Variants in CYP39A1 observed in about 807,000 individuals in gnomAD.
CYP39A1 encodes the protein 24-hydroxycholesterol 7-alpha-hydroxylase.
A neutral mutation model predicts 58.1 loss-of-function variants in CYP39A1; 49 were observed. The observed-to-expected ratio is 0.84, with a 90% CI of 0.67 to 1.07. CYP39A1 has a LOEUF of 1.07. CYP39A1 is among the 50% of genes least tolerant of loss of function. The probability of loss-of-function intolerance (pLI) is 0.00; values close to 1 mark genes in which losing one functional copy is unlikely to be tolerated. For synonymous variants in CYP39A1, 209 were observed against 187.6 expected (o/e 1.11, Z -0.93); for missense variants, 531 against 539.4 (o/e 0.98, Z 0.16).
At chr6:46,588,165 G>T in intron 8 of CYP39A1, 36 bp from the exon 9 acceptor site, 1 of 1,333,980 alleles carries the variant, frequency 7.5e-7, no homozygotes, top group Non-Finnish European at 1.1e-6. Flanking sequence ...TCATTTTTTT[G>T]AAATATACTT....
chr6:46,652,784 T>C lies in CYP39A1; in HGVS notation c.-202A>G, dbSNP rs931443779. 3.9e-6 allele frequency: 2 copies of C among 512,064 alleles called. No homozygotes were observed. Among genetic ancestry groups the C allele is most frequent in the Admixed American group, 3.8e-5 (1 of 26,434 alleles). The allele number at this position is 512,064 out of a possible 1,614,324, so 31.7% of individuals were successfully genotyped here. Reference sequence around the variant, plus strand: ...CATTGTCGCTCCCTCCCACCTCCACTTCTCTTTGAATCTCAGCCAGCGCGG... The same window carrying C: ...CATTGTCGCTCCCTCCCACCTCCACCTCTCTTTGAATCTCAGCCAGCGCGG... On this transcript the variant is annotated 5_prime_UTR_variant, in exon 1 of 12. Coordinates refer to ENST00000275016, the MANE Select transcript of CYP39A1 (RefSeq NM_016593.5).
chr6:46,597,746 C>A (rs867676979), intron 7 of CYP39A1, among the ~76,000 whole-genome samples: 1 of 152,066 alleles, frequency 6.6e-6, no homozygotes, highest in Non-Finnish European at 1.5e-5. Flanking sequence ...TACAGACGAT[C>A]CTAAATGCCA....
At chr6:46,588,284 T>A (rs1340450741) in intron 8 of CYP39A1, among the ~76,000 whole-genome samples, 155 bp from the exon 9 acceptor site, 1 of 149,078 alleles carries the variant, frequency 6.7e-6, no homozygotes, top group Non-Finnish European at 1.5e-5. Flanking sequence ...TATATAATTA[T>A]ATAATATCTA....
chr6:46,551,935 T>C (rs147501102), intron 11 of CYP39A1, among the ~76,000 whole-genome samples: 1 of 152,340 alleles, frequency 6.6e-6, no homozygotes, highest in East Asian at 1.9e-4. Context: ...TTTGAGATCA[T>C]GGGAATTCAC....
At chr6:46,586,992 A>C in intron 10 of CYP39A1, 85 bp downstream of exon 10, 1 of 881,664 alleles carries the variant, frequency 1.1e-6, no homozygotes, top group Non-Finnish European at 1.8e-6. Context: ...ATATATATAA[A>C]GAGATTAAGC....
chr6:46,652,114 AAC>A (rs1442156932), intron 1 of CYP39A1, among the ~76,000 whole-genome samples: 1 of 152,256 alleles, frequency 6.6e-6, no homozygotes, highest in East Asian at 1.9e-4. Flanking sequence ...ACATTTACTT[AAC>A]ACATACACAT....
intron 3 of CYP39A1, among the ~76,000 whole-genome samples, chr6:46,639,221 T>C (rs1361168145): frequency 2.0e-5 from 3 of 152,206 alleles, no homozygotes; most frequent in Non-Finnish European, 4.4e-5. Flanking sequence ...TGACTAAGGA[T>C]AAATTACTGC....
Position 46,550,393 on chromosome 6 carries a change from G to T in CYP39A1, c.1383C>A (p.Cys461Ter). ...LVGVPQPEGQ[C>*]RIEYKQRI ...ATATTCTTTGTTTATATTCAATTCG[G>T]CATTGCCCTTCCGGCTGGGGGACAC... The change falls in exon 12 of 12, where the codon TGC becomes TGA. Residue 461 changes from cysteine to a stop codon, truncating the protein, a stop_gained. Coordinates refer to ENST00000275016, the MANE Select transcript of CYP39A1 (RefSeq NM_016593.5). LOFTEE classifies it high-confidence loss of function. 1 of 1,612,486 alleles carries T rather than the reference G, an allele frequency of 6.2e-7. No individual in the cohort carries two copies. Among genetic ancestry groups the T allele is most frequent in the Non-Finnish European group, 8.5e-7 (1 of 1,179,324 alleles).
At chr6:46,551,615 A>G (rs1411081019) in intron 11 of CYP39A1, among the ~76,000 whole-genome samples, 2 of 152,200 alleles carry the variant, frequency 1.3e-5, no homozygotes, top group African/African-American at 4.8e-5. Context: ...GAGGTAAAAT[A>G]AAACATTGGG....
intron 7 of CYP39A1, among the ~76,000 whole-genome samples, chr6:46,601,823 A>T (rs1773526622): frequency 6.6e-6 from 1 of 151,888 alleles, no homozygotes; most frequent in Non-Finnish European, 1.5e-5. Flanking sequence ...GCCCGTCCTC[A>T]GGTTACTTAT....
Position 46,597,541 on chromosome 6 carries a change from G to GTA in CYP39A1, c.932-1423_932-1422dup, listed in dbSNP as rs1023647019. Among the ~76,000 whole-genome samples the GTA allele has an allele frequency of 2.0e-5, 3 of 152,110 alleles. No homozygotes were observed. The South Asian group carries it at 6.2e-4, about 32-fold the overall frequency. ...AGTTTCTTGCATAGAGTCAACCCCAGTATATATATATTAAATTAGCAAATG... is the reference window on the plus strand; with the variant it reads ...AGTTTCTTGCATAGAGTCAACCCCAGTATATATATATATTAAATTAGCAAATG... On this transcript the variant is annotated intron_variant, in intron 7 of 11. Transcript: ENST00000275016.
At chr6:46,605,521 G>A (rs1395846406) in intron 7 of CYP39A1, among the ~76,000 whole-genome samples, 1 of 152,192 alleles carries the variant, frequency 6.6e-6, no homozygotes, top group East Asian at 1.9e-4. Context: ...TAAAGAGCTG[G>A]AGGATGTCCA....
chr6:46,651,658 G>GTATAAA (rs1356274415), intron 1 of CYP39A1, among the ~76,000 whole-genome samples: 1 of 152,056 alleles, frequency 6.6e-6, no homozygotes, highest in Non-Finnish European at 1.5e-5. Flanking sequence ...ATGCTACTAC[G>GTATAAA]TATAAATTCA....
At chr6:46,573,414 A>G (rs1206906005) in intron 10 of CYP39A1, among the ~76,000 whole-genome samples, 2 of 152,128 alleles carry the variant, frequency 1.3e-5, no homozygotes, top group African/African-American at 2.4e-5. Context: ...GGGGGTCCTC[A>G]GTGGCCAAGG....
intron 1 of CYP39A1, among the ~76,000 whole-genome samples, chr6:46,649,169 T>C (rs942479268): frequency 1.4e-4 from 21 of 152,244 alleles, no homozygotes; most frequent in African/African-American, 5.1e-4. Context: ...TGGCAGAATT[T>C]AGTTTTTCAC....
At chr6:46,583,143 T>G (rs1772243259) in intron 10 of CYP39A1, 1 of 985,270 alleles carries the variant, frequency 1.0e-6, no homozygotes, top group Non-Finnish European at 1.2e-6. Context: ...GAATCCATGC[T>G]TCATTTTAAC....
chr6:46,572,922 T>C (rs749882752), intron 10 of CYP39A1, among the ~76,000 whole-genome samples: 5 of 151,890 alleles, frequency 3.3e-5, no homozygotes, highest in Non-Finnish European at 7.4e-5. Flanking sequence ...TTTCTTCTGC[T>C]TGGTTGAGTC....
intron 10 of CYP39A1, among the ~76,000 whole-genome samples, chr6:46,560,062 AG>A (rs1425492012): frequency 6.6e-6 from 1 of 152,202 alleles, no homozygotes; most frequent in Non-Finnish European, 1.5e-5. Context: ...TAGAGAAGGA[AG>A]GTCTCTCTGA....
At chr6:46,561,635 C>G (rs146049146) in intron 10 of CYP39A1, among the ~76,000 whole-genome samples, 1 of 151,916 alleles carries the variant, frequency 6.6e-6, no homozygotes, top group Non-Finnish European at 1.5e-5. Flanking sequence ...ACTTTAATAA[C>G]GAAAGTGCCC....
Sources: gnomAD v4.1 joint callset for allele counts (sites outside exome capture counted in the v4.1 genomes callset) on GRCh38, gnomAD v4.1.1 for gene constraint, MANE v1.5 for transcripts, NCBI Gene and HGNC (gene_info 2026-07-23, HGNC 2026-07-21) for gene names.